TTC29: variants seen among roughly 807,000 people sequenced by gnomAD.
The protein encoded by TTC29 is tetratricopeptide repeat protein 29.
TTC29 carries 49 observed loss-of-function variants against 58.1 expected under a neutral mutation model. The ratio of observed to expected loss-of-function variants is 0.84; its 90% CI spans 0.67 to 1.07. The LOEUF is 1.07. Among genes scored for constraint, TTC29 ranks in the 50% least tolerant of loss-of-function variants. The pLI is 0.00. For synonymous variants in TTC29, 209 were observed against 196.8 expected (o/e 1.06, Z -0.52); for missense variants, 582 against 555.6 (o/e 1.05, Z -0.48).
intron 8 of TTC29, among the ~76,000 whole-genome samples, chr4:146,860,578 T>C (rs1047708221): frequency 6.6e-6 from 1 of 152,142 alleles, no homozygotes; most frequent in Non-Finnish European, 1.5e-5. Context: ...GCATGGATAC[T>C]CTCAATGAAG....
At chr4:146,915,241 T>C (rs1484569616) in intron 4 of TTC29, among the ~76,000 whole-genome samples, 1 of 152,144 alleles carries the variant, frequency 6.6e-6, no homozygotes, top group African/African-American at 2.4e-5. Context: ...TTATATCATG[T>C]ATTGTTGCTT....
intron 11 of TTC29, among the ~76,000 whole-genome samples, chr4:146,734,145 A>C (rs936166367): frequency 6.6e-6 from 1 of 152,192 alleles, no homozygotes; most frequent in Non-Finnish European, 1.5e-5. Flanking sequence ...TATTTCTATA[A>C]TATGATTGAT....
chr4:146,773,290 T>C, intron 11 of TTC29, among the ~76,000 whole-genome samples: 1 of 152,182 alleles, frequency 6.6e-6, no homozygotes, highest in East Asian at 1.9e-4. Flanking sequence ...ATCCTTGTCT[T>C]GTTCTGGTTC....
At chr4:146,856,680 TATTA>T (rs1323278265) in intron 8 of TTC29, among the ~76,000 whole-genome samples, 1 of 148,772 alleles carries the variant, frequency 6.7e-6, no homozygotes, top group Non-Finnish European at 1.5e-5. Context: ...GCTGTAACAT[TATTA>T]TTTATTAATT....
chr4:146,712,105 G>T (rs1200899537), intron 11 of TTC29, among the ~76,000 whole-genome samples: 1 of 151,920 alleles, frequency 6.6e-6, no homozygotes, highest in African/African-American at 2.4e-5. Context: ...ATTACAATGA[G>T]AATATCTGAT....
At chr4:146,872,026 G>A (rs780598533) in intron 7 of TTC29, among the ~76,000 whole-genome samples, 8 of 152,006 alleles carry the variant, frequency 5.3e-5, no homozygotes, top group Non-Finnish European at 1.0e-4. Flanking sequence ...TAAAATCTAT[G>A]TATTCTTGTA....
chr4:146,886,918 G>A (rs939866956), intron 6 of TTC29, among the ~76,000 whole-genome samples: 1 of 152,110 alleles, frequency 6.6e-6, no homozygotes, highest in African/African-American at 2.4e-5. Context: ...ATGTGACTTG[G>A]ATGAACCTTG....
At chr4:146,763,646 A>G (rs1198032803) in intron 11 of TTC29, among the ~76,000 whole-genome samples, 1 of 152,138 alleles carries the variant, frequency 6.6e-6, no homozygotes, top group African/African-American at 2.4e-5. Flanking sequence ...GTTAAATATC[A>G]CATTTTCAGA....
chr4:146,832,314 CTG>C (rs1728217329), intron 9 of TTC29, among the ~76,000 whole-genome samples: 1 of 152,128 alleles, frequency 6.6e-6, no homozygotes, highest in South Asian at 2.1e-4. Context: ...ATTCAACCAC[CTG>C]TGTCTTCTGG....
intron 8 of TTC29, among the ~76,000 whole-genome samples, chr4:146,841,563 C>T (rs1173942337): frequency 7.6e-6 from 1 of 131,898 alleles, no homozygotes; most frequent in Non-Finnish European, 1.6e-5. Flanking sequence ...TCAGTGAACA[C>T]GAATATTTTT....
At chr4:146,810,716 G>C (rs1308351512) in intron 10 of TTC29, among the ~76,000 whole-genome samples, 2 of 148,828 alleles carry the variant, frequency 1.3e-5, no homozygotes, top group South Asian at 2.2e-4. Context: ...TCAGCCTCCC[G>C]AGTAGCTGGG....
intron 8 of TTC29, among the ~76,000 whole-genome samples, chr4:146,854,255 G>A (rs1266366460): frequency 2.0e-5 from 3 of 152,084 alleles, no homozygotes; most frequent in Non-Finnish European, 2.9e-5. Context: ...GAACCAAGTC[G>A]TCAAGGTATT....
chr4:146,867,399 C>T, intron 8 of TTC29, 99 bp downstream of exon 8: 1 of 538,066 alleles, frequency 1.9e-6, no homozygotes, highest in South Asian at 4.3e-5. Context: ...TATGTCAGGC[C>T]TAACTCATTT....
chr4:146,917,027 A>G (rs1355945348), intron 4 of TTC29, among the ~76,000 whole-genome samples: 3 of 151,240 alleles, frequency 2.0e-5, no homozygotes, highest in African/African-American at 7.3e-5. Context: ...AAATATATAT[A>G]TAAAGCACTT....
At chr4:146,794,294 A>G (rs1253514473) in intron 11 of TTC29, among the ~76,000 whole-genome samples, 2 of 152,140 alleles carry the variant, frequency 1.3e-5, no homozygotes, top group African/African-American at 4.8e-5. Flanking sequence ...ATCCATGCCT[A>G]CTAAGATTTT....
At chr4:146,888,533 C>T (rs1200584335) in intron 6 of TTC29, among the ~76,000 whole-genome samples, 3 of 152,038 alleles carry the variant, frequency 2.0e-5, no homozygotes, top group Non-Finnish European at 4.4e-5. Flanking sequence ...TCTTCCTAGC[C>T]CTGGAAGTGA....
At position 146,833,855 on chromosome 4, in the gene TTC29, C is replaced by G; in HGVS notation, c.928G>C (p.Asp310His). ...TCATAGCCTCTCCCCAGACTGAGATCATCATCCAGGTCTGTGGAGATTTTA... is the reference window on the plus strand; with the variant it reads ...TCATAGCCTCTCCCCAGACTGAGATGATCATCCAGGTCTGTGGAGATTTTA... Reference protein sequence around the residue: ...YCKISTDLDDDLSLGRGYEAI... With the variant: ...YCKISTDLDDHLSLGRGYEAI... Residue 310 changes from aspartate (D) to histidine (H), a missense_variant, in exon 9 of 13, where the codon GAT becomes CAT. Asp to His is a moderately conservative substitution (Grantham distance 81, BLOSUM62 -1). Coordinates refer to ENST00000325106, the MANE Select transcript of TTC29 (RefSeq NM_031956.4). The G allele has an allele frequency of 6.2e-7, 1 of 1,613,240 alleles. No individual in the cohort carries two copies. Among genetic ancestry groups the G allele is most frequent in the Non-Finnish European group, 8.5e-7 (1 of 1,179,494 alleles).
chr4:146,907,809 GT>G (rs1241123867), intron 5 of TTC29, among the ~76,000 whole-genome samples: 1 of 151,998 alleles, frequency 6.6e-6, no homozygotes, highest in Non-Finnish European at 1.5e-5. Context: ...CAAAATGGAG[GT>G]TTTTTATAAT....
At chr4:146,831,332 C>G (rs1728145205) in intron 9 of TTC29, among the ~76,000 whole-genome samples, 1 of 152,156 alleles carries the variant, frequency 6.6e-6, no homozygotes. Flanking sequence ...CTCTTGCACT[C>G]AAGTGATCCT....
Sources: allele counts gnomAD v4.1 joint callset (sites outside exome capture counted in the v4.1 genomes callset), GRCh38; gene constraint gnomAD v4.1.1; transcripts MANE v1.5; gene names NCBI Gene and HGNC (gene_info 2026-07-23, HGNC 2026-07-21).